The following ADGRE1 variants were observed in gnomAD, a reference collection of about 807,000 sequenced individuals.
ADGRE1 encodes EGF-like module receptor 1.
In ADGRE1, 82 loss-of-function variants were observed where a neutral mutation model predicts 102.7. The ratio of observed to expected loss-of-function variants is 0.80; its 90% CI spans 0.67 to 0.96. ADGRE1 has a LOEUF of 0.96. Ranked by LOEUF, ADGRE1 falls within the 40% of genes least tolerant of loss-of-function variation. The pLI is 0.00. For missense variants in ADGRE1, 1,032 were observed against 1,085.3 expected (o/e 0.95, Z 0.69); for synonymous variants, 398 against 399.6 (o/e 1.00, Z 0.05).
At chr19:6,888,269 A>C (rs1041486664) in intron 1 of ADGRE1, among the ~76,000 whole-genome samples, 3 of 152,208 alleles carry the variant, frequency 2.0e-5, no homozygotes, top group Non-Finnish European at 4.4e-5. Context: ...AAGTGCTATG[A>C]AAGAAGTTGT....
At chr19:6,907,844 C>T (rs952393891) in intron 9 of ADGRE1, among the ~76,000 whole-genome samples, 3 of 152,230 alleles carry the variant, frequency 2.0e-5, no homozygotes, top group African/African-American at 7.2e-5. Context: ...TGCTGTAGTA[C>T]ATATCAGAGA....
intron 10 of ADGRE1, among the ~76,000 whole-genome samples, chr19:6,912,288 G>T (rs952256791): frequency 6.6e-6 from 1 of 152,062 alleles, no homozygotes; most frequent in African/African-American, 2.4e-5. Flanking sequence ...CACTTACTAT[G>T]AGAGGTTTAG....
In ADGRE1 at chr19:6,887,632, C is replaced by T. The variant is rs1780308733; in HGVS notation, c.24C>T (p.Leu8=). The T allele has an allele frequency of 6.8e-6, 11 of 1,612,044 alleles. No individual in the cohort carries two copies. Among genetic ancestry groups the T allele is most frequent in the Non-Finnish European group, 7.6e-6 (9 of 1,179,238 alleles). Residue 8 remains leucine (L), a synonymous_variant, in exon 1 of 21, where the codon CTC becomes CTT. Transcript: ENST00000312053. The stretch of plus-strand genomic sequence containing the variant: ...TAATGCGTGGCTTCAACCTGCTCCT[C>T]TTCTGGGGTGAGTGTGAGGCTGAAT... The part of the protein sequence containing the change: MRGFNLL[L]FWGCCVMHSW...
At chr19:6,894,865 A>C (rs1387939723) in intron 2 of ADGRE1, 1 of 152,238 alleles carries the variant, frequency 6.6e-6, no homozygotes, top group Non-Finnish European at 1.5e-5. Flanking sequence ...GGGGATCAAC[A>C]GGGCTTGGAG....
chr19:6,938,063 G>C (rs1337960811), intron 20 of ADGRE1, among the ~76,000 whole-genome samples: 6 of 151,690 alleles, frequency 4.0e-5, no homozygotes, highest in Admixed American at 3.9e-4. Context: ...CCGGCTGGGC[G>C]CGGTGGCTCA....
intron 6 of ADGRE1, 72 bp from the exon 7 acceptor site, chr19:6,903,737 AT>A (rs1331778029): frequency 3.8e-6 from 6 of 1,583,716 alleles, no homozygotes; most frequent in Non-Finnish European, 4.3e-6. Flanking sequence ...ATGACTCCAT[AT>A]TTTGCAAAGG....
intron 14 of ADGRE1, among the ~76,000 whole-genome samples, chr19:6,922,677 G>T (rs1257661956): frequency 6.6e-6 from 1 of 151,458 alleles, no homozygotes. Context: ...GAATTCTGAG[G>T]TGTTTCCAAG....
intron 17 of ADGRE1, among the ~76,000 whole-genome samples, chr19:6,931,595 C>T (rs1038508153): frequency 4.6e-5 from 7 of 152,014 alleles, no homozygotes; most frequent in Non-Finnish European, 5.9e-5. Context: ...GTCAGGAGTT[C>T]GAGACCAGCC....
intron 9 of ADGRE1, among the ~76,000 whole-genome samples, chr19:6,907,230 A>G (rs1355529411): frequency 1.3e-5 from 2 of 152,160 alleles, no homozygotes; most frequent in Non-Finnish European, 2.9e-5. Context: ...AATTGTGGTG[A>G]GGTACACATA....
intron 13 of ADGRE1, among the ~76,000 whole-genome samples, chr19:6,921,386 C>T (rs1417250641): frequency 2.0e-5 from 3 of 152,162 alleles, no homozygotes; most frequent in African/African-American, 7.2e-5. Context: ...TGCACCACTG[C>T]ACTCCAGCCT....
intron 16 of ADGRE1, among the ~76,000 whole-genome samples, chr19:6,927,092 T>C (rs1974949605): frequency 6.6e-6 from 1 of 152,006 alleles, no homozygotes; most frequent in Non-Finnish European, 1.5e-5. Flanking sequence ...GGGGTGCTGT[T>C]ATTGAACATG....
chr19:6,907,891 T>G (rs1974026855), intron 9 of ADGRE1, among the ~76,000 whole-genome samples: 2 of 152,224 alleles, frequency 1.3e-5, no homozygotes, highest in Non-Finnish European at 1.5e-5. Flanking sequence ...ATATTCCACA[T>G]GGACCACTGT....
intron 11 of ADGRE1, among the ~76,000 whole-genome samples, chr19:6,914,753 G>A (rs1974314509): frequency 6.6e-6 from 1 of 152,156 alleles, no homozygotes; most frequent in African/African-American, 2.4e-5. Context: ...AAGTACAGCA[G>A]GCTAGGGAGG....
chr19:6,911,340 A>T, intron 10 of ADGRE1, among the ~76,000 whole-genome samples: 1 of 130,382 alleles, frequency 7.7e-6, no homozygotes, highest in East Asian at 2.2e-4. Flanking sequence ...GATTTAATTC[A>T]TTTAATGCAT....
In ADGRE1 at chr19:6,888,398, A is replaced by G. The variant is rs368441990; in HGVS notation, c.31+759A>G. 9.0e-4 allele frequency among the ~76,000 whole-genome samples: 137 copies of G among 152,300 alleles called. 3 individuals carry two copies. In the South Asian group the frequency reaches 0.019, roughly 21 times the overall value. ...CCTGTGCTCTTATTTCTCTTTCTTC[A>G]GGTGTCAGTTTGTCTCAGCCTTGTT... On this transcript the variant is annotated intron_variant, in intron 1 of 20. Transcript: ENST00000312053.
chr19:6,929,760 G>A (rs1291789913), intron 17 of ADGRE1, among the ~76,000 whole-genome samples: 1 of 152,006 alleles, frequency 6.6e-6, no homozygotes, highest in African/African-American at 2.4e-5. Flanking sequence ...ACCTCACGTA[G>A]TTTGCCTGCC....
intron 17 of ADGRE1, among the ~76,000 whole-genome samples, chr19:6,931,284 C>T (rs978870624): frequency 6.6e-6 from 1 of 152,110 alleles, no homozygotes; most frequent in Non-Finnish European, 1.5e-5. Flanking sequence ...AGGTTTTGTG[C>T]TGATGTCTAT....
intron 13 of ADGRE1, among the ~76,000 whole-genome samples, chr19:6,920,516 C>CTGTTTTTT (rs1974613441): frequency 1.3e-5 from 1 of 75,736 alleles, no homozygotes; most frequent in Non-Finnish European, 2.4e-5. Flanking sequence ...ACCATGCCCG[C>CTGTTTTTT]TTTTTTTTTT....
Position 6,937,590 on chromosome 19 carries a change from G to A in ADGRE1, c.2597G>A (p.Ser866Asn). The A allele has an allele frequency of 1.2e-6, 2 of 1,614,122 alleles. No homozygotes were observed. Among genetic ancestry groups the A allele is most frequent in the South Asian group, 1.1e-5 (1 of 91,080 alleles). The change falls in exon 20 of 21, where the codon AGC becomes AAC. Residue 866 changes from serine to asparagine, a missense_variant. Physicochemically the swap from Ser to Asn is conservative, Grantham distance 46 (BLOSUM62 1). Coordinates refer to ENST00000312053, the MANE Select transcript of ADGRE1 (RefSeq NM_001974.5). ...KRWITGKTKP[S>N]SQSQTSRILL... ...TGGATCACTGGGAAGACGAAGCCCAGCTCCCAGTCCCAGACCTCAAGGATC... is the reference window on the plus strand; with the variant it reads ...TGGATCACTGGGAAGACGAAGCCCAACTCCCAGTCCCAGACCTCAAGGATC...
Sources: gnomAD v4.1 joint callset for allele counts (sites outside exome capture counted in the v4.1 genomes callset) on GRCh38, gnomAD v4.1.1 for gene constraint, MANE v1.5 for transcripts, NCBI Gene and HGNC (gene_info 2026-07-23, HGNC 2026-07-21) for gene names.